The following KDM7A variants were observed in gnomAD, a reference collection of about 807,000 sequenced individuals.
KDM7A encodes the protein lysine-specific demethylase 7A.
KDM7A carries 28 observed loss-of-function variants against 114.8 expected under a neutral mutation model. The ratio of observed to expected loss-of-function variants is 0.24; its 90% CI spans 0.18 to 0.33. KDM7A has a LOEUF of 0.33. KDM7A is among the 10% of genes least tolerant of loss of function. The pLI is 1.00. For missense variants in KDM7A, 942 were observed against 1,142.5 expected, an observed-to-expected ratio of 0.82 and a Z score of 2.53; for synonymous variants, 423 against 397.8, an observed-to-expected ratio of 1.06 and a Z score of -0.75.
rs369620713 is a variant in KDM7A, at chr7:140,093,513, C to A, written c.2457+543G>T. ...GAACTTTGATTCTTTCTTTGGCTGC[C>A]ATTTTCCAAGGTTTGCAAAAAAAGG... On this transcript the variant is annotated intron_variant, in intron 18 of 19. Coordinates refer to ENST00000397560, the MANE Select transcript of KDM7A (RefSeq NM_030647.2). Among the ~76,000 whole-genome samples, 10 of 152,294 alleles carry A rather than the reference C, an allele frequency of 6.6e-5. No homozygotes were observed. The South Asian group carries it at 2.1e-3, about 32-fold the overall frequency.
intron 12 of KDM7A, among the ~76,000 whole-genome samples, chr7:140,101,424 TA>T (rs1818223094): frequency 6.6e-6 from 1 of 152,208 alleles, no homozygotes; most frequent in Admixed American, 6.5e-5. Context: ...AATCACCACG[TA>T]ACCATTTGAC....
chr7:140,153,491 G>GAA (rs78679615), intron 1 of KDM7A, among the ~76,000 whole-genome samples: 27 of 131,598 alleles, frequency 2.1e-4, no homozygotes, highest in Admixed American at 3.0e-4. Flanking sequence ...GTCTCAAAAA[G>GAA]AAAAAAAAAA....
chr7:140,136,892 C>T (rs1818879314), intron 2 of KDM7A, among the ~76,000 whole-genome samples: 1 of 152,022 alleles, frequency 6.6e-6, no homozygotes, highest in Non-Finnish European at 1.5e-5. Context: ...GAGGCTGAGG[C>T]AGGAGAATTG....
intron 1 of KDM7A, among the ~76,000 whole-genome samples, chr7:140,162,407 G>C (rs1437978406): frequency 6.6e-6 from 1 of 151,254 alleles, no homozygotes; most frequent in African/African-American, 2.4e-5. Context: ...CCTATGTTTT[G>C]TGCTCAAGGA....
At chr7:140,134,389 G>A (rs1818836311) in intron 2 of KDM7A, among the ~76,000 whole-genome samples, 1 of 152,150 alleles carries the variant, frequency 6.6e-6, no homozygotes, top group Non-Finnish European at 1.5e-5. Flanking sequence ...ATGTAGGAAT[G>A]AAGGGGTGGA....
intron 1 of KDM7A, among the ~76,000 whole-genome samples, chr7:140,171,549 A>G (rs1476724508): frequency 7.4e-6 from 1 of 134,440 alleles, no homozygotes; most frequent in Non-Finnish European, 1.6e-5. Context: ...ATTTATAAAT[A>G]TATATTTATT....
intron 8 of KDM7A, among the ~76,000 whole-genome samples, chr7:140,119,877 T>A (rs1278421451): frequency 6.6e-6 from 1 of 152,208 alleles, no homozygotes; most frequent in Non-Finnish European, 1.5e-5. Flanking sequence ...TACTAGGTAT[T>A]TCTAGTTCTC....
chr7:140,115,273 C>G (rs535211177), intron 9 of KDM7A, among the ~76,000 whole-genome samples: 1 of 151,488 alleles, frequency 6.6e-6, no homozygotes, highest in African/African-American at 2.4e-5. Flanking sequence ...TCTGCCCAGC[C>G]GCCACCCCGT....
chr7:140,168,001 GA>G lies in KDM7A; in HGVS notation c.194+8742del, dbSNP rs1210768679. ...TGAAAGAATATGGTCCTAAAACTAA[GA>G]AAAAACAAATGTTCAAACTCATTTA... On this transcript the variant is annotated intron_variant, in intron 1 of 19. Coordinates refer to ENST00000397560, the MANE Select transcript of KDM7A (RefSeq NM_030647.2). Among the ~76,000 whole-genome samples, 5 of 152,022 alleles carry G rather than the reference GA, an allele frequency of 3.3e-5. No individual in the cohort carries two copies. The South Asian group carries it at 1.0e-3, about 31-fold the overall frequency.
At chr7:140,147,280 A>T (rs1356908363) in intron 1 of KDM7A, among the ~76,000 whole-genome samples, 1 of 152,172 alleles carries the variant, frequency 6.6e-6, no homozygotes, top group African/African-American at 2.4e-5. Context: ...GATCACAGTA[A>T]ATTTTTGTTG....
chr7:140,133,443 G>A, intron 3 of KDM7A, 96 bp downstream of exon 3: 1 of 700,234 alleles, frequency 1.4e-6, no homozygotes. Flanking sequence ...ATGGGTTGCA[G>A]CCTAAGTTTG....
intron 11 of KDM7A, among the ~76,000 whole-genome samples, chr7:140,107,467 G>A (rs1321233942): frequency 6.6e-6 from 1 of 152,040 alleles, no homozygotes; most frequent in Non-Finnish European, 1.5e-5. Flanking sequence ...GGCAGGCCTG[G>A]TGGTGACAAA....
Position 140,090,321 on chromosome 7 carries a change from A to G in KDM7A, c.*773T>C, listed in dbSNP as rs767180962. ...ATGGAGTTCTTACACATTGGCTACG[A>G]AAGTGTTTCCCTGCAAAGAGAAGAG... On this transcript the variant is annotated 3_prime_UTR_variant, in exon 20 of 20. Coordinates refer to ENST00000397560, the MANE Select transcript of KDM7A (RefSeq NM_030647.2). 1 of 152,208 alleles carries G rather than the reference A, an allele frequency of 6.6e-6. No individual in the cohort carries two copies. Among genetic ancestry groups the G allele is most frequent in the Non-Finnish European group, 1.5e-5 (1 of 68,044 alleles). 9.4% of individuals were successfully genotyped at this position (152,208 alleles called of 1,614,324 possible).
chr7:140,118,658 C>G (rs1818570804), intron 9 of KDM7A, among the ~76,000 whole-genome samples: 1 of 149,488 alleles, frequency 6.7e-6, no homozygotes, highest in Admixed American at 6.7e-5. Flanking sequence ...CTCAGGTGAT[C>G]TGCCTGCCTC....
chr7:140,086,605 T>C lies in KDM7A; in HGVS notation c.*4489A>G, dbSNP rs554113833. 1 of 152,198 alleles carries C rather than the reference T, an allele frequency of 6.6e-6. No homozygotes were observed. The highest frequency in any genetic ancestry group is 1.9e-4 in the East Asian group (1 of 5,180). 9.4% of individuals were successfully genotyped at this position (152,198 alleles called of 1,614,324 possible). A position where few individuals can be genotyped will look rare whatever the true frequency, so the allele number is the denominator to read the frequency against. On this transcript the variant is annotated 3_prime_UTR_variant, in exon 20 of 20. Coordinates refer to ENST00000397560, the MANE Select transcript of KDM7A (RefSeq NM_030647.2). ...GTTCAACAGCAACAGAATGAGAAAA[T>C]TAATTCTTCCCCTTTCTTTCCACCT... is the stretch of plus-strand genomic sequence containing the variant.
rs1272019253 is a variant in KDM7A, at chr7:140,086,360, CAA to C, written c.*4732_*4733del. 1.3e-5 allele frequency: 2 copies of C among 152,002 alleles called. No individual in the cohort carries two copies. Among genetic ancestry groups the C allele is most frequent in the East Asian group, 1.9e-4 (1 of 5,196 alleles). The allele number at this position is 152,002 out of a possible 1,614,324, so 9.4% of individuals were successfully genotyped here. A position where few individuals can be genotyped will look rare whatever the true frequency, so the allele number is the denominator to read the frequency against. On this transcript the variant is annotated 3_prime_UTR_variant, in exon 20 of 20. Transcript: ENST00000397560. ...GGAAGGGGAGAACCTAAGGATATTGCAAAAGAGTATTATTTTCTCCTCTCAGT... is the reference window on the plus strand; with the variant it reads ...GGAAGGGGAGAACCTAAGGATATTGCAAGAGTATTATTTTCTCCTCTCAGT...
intron 14 of KDM7A, among the ~76,000 whole-genome samples, chr7:140,098,195 G>A (rs1462358034): frequency 2.0e-5 from 3 of 152,160 alleles, no homozygotes; most frequent in Admixed American, 2.0e-4. Context: ...CAGATTAGCA[G>A]GAACTGGGGT....
intron 18 of KDM7A, among the ~76,000 whole-genome samples, chr7:140,093,583 T>G (rs1818058281): frequency 1.3e-5 from 2 of 152,330 alleles, no homozygotes; most frequent in Non-Finnish European, 2.9e-5. Context: ...AGTTTTAGTT[T>G]TTTCAAAACT....
intron 8 of KDM7A, 40 bp downstream of exon 8, chr7:140,120,402 A>G (rs1209694635): frequency 8.2e-7 from 1 of 1,213,362 alleles, no homozygotes; most frequent in Non-Finnish European, 1.2e-6. Context: ...TCCTATTTTT[A>G]AAAAGGACAA....
Sources: gnomAD v4.1 joint callset for allele counts (sites outside exome capture counted in the v4.1 genomes callset) on GRCh38, gnomAD v4.1.1 for gene constraint, MANE v1.5 for transcripts, NCBI Gene and HGNC (gene_info 2026-07-23, HGNC 2026-07-21) for gene names.